CUL3: variants seen among roughly 807,000 people sequenced by gnomAD.
The protein encoded by CUL3 is cullin 3.
In CUL3, 19 loss-of-function variants were observed where a neutral mutation model predicts 89.1. The ratio of observed to expected loss-of-function variants is 0.21; its 90% confidence interval spans 0.15 to 0.31. The LOEUF is 0.31. Among genes scored for constraint, CUL3 ranks in the 10% least tolerant of loss-of-function variants. The probability of loss-of-function intolerance (pLI) is 1.00; values close to 1 mark genes in which losing one functional copy is unlikely to be tolerated. For missense variants in CUL3, 469 were observed against 942.3 expected, an observed-to-expected ratio of 0.50 and a Z score of 6.58; for synonymous variants, 351 against 308.4, an observed-to-expected ratio of 1.14 and a Z score of -1.45.
At chr2:224,494,989 T>G (rs535775505) in intron 13 of CUL3, 1 of 152,146 alleles carries the variant, frequency 6.6e-6, no homozygotes, top group African/African-American at 2.4e-5. Flanking sequence ...CACATATATC[T>G]GACGAAGGAC....
chr2:224,503,513 C>T, intron 9 of CUL3, 139 bp downstream of exon 9: 2 of 754,056 alleles, frequency 2.7e-6, no homozygotes, highest in Non-Finnish European at 4.0e-6. Context: ...AGTCTGTGTT[C>T]TTCTCCAAAA....
intron 13 of CUL3, among the ~76,000 whole-genome samples, chr2:224,488,632 C>T (rs1691833212): frequency 6.6e-6 from 1 of 152,106 alleles, no homozygotes; most frequent in Admixed American, 6.6e-5. Flanking sequence ...AGCCTACCAA[C>T]CCAAAAAAGC....
intron 1 of CUL3, among the ~76,000 whole-genome samples, chr2:224,558,369 CTCT>C (rs1192138542): frequency 1.2e-4 from 19 of 152,194 alleles, no homozygotes; most frequent in Admixed American, 1.2e-3. Flanking sequence ...ACTCACTCTA[CTCT>C]TCTAGATGAT....
At position 224,503,034 on chromosome 2, in the gene CUL3, T is replaced by G. The variant is rs759756869; in HGVS notation, c.1416A>C (p.Gly472=). Residue 472 remains glycine, a synonymous_variant, in exon 10 of 16, where the codon GGA becomes GGC. Coordinates refer to ENST00000264414, the MANE Select transcript of CUL3 (RefSeq NM_003590.5). ...CGCQFTSKLE[G]MFRDMSISNT... ...TTGAGATGCTCATATCCCTAAACAT[T>G]CCTTCCAGTTTTGACGTGAACTGAC... The G allele has an allele frequency of 6.2e-7, 1 of 1,614,016 alleles. No homozygotes were observed. Among genetic ancestry groups the G allele is most frequent in the Non-Finnish European group, 8.5e-7 (1 of 1,179,894 alleles).
chr2:224,567,492 C>T (rs1695071266), intron 1 of CUL3, among the ~76,000 whole-genome samples: 3 of 152,130 alleles, frequency 2.0e-5, no homozygotes, highest in Non-Finnish European at 4.4e-5. Flanking sequence ...GTAATCCCAG[C>T]ACCTTGGGAG....
In CUL3 at chr2:224,575,806, G is replaced by A. The variant is rs533190567; in HGVS notation, c.66+9138C>T. ...ATAAAATGCAAAATGGAAGTTTGAA[G>A]ATTTTTAAACTAGTAGGATGACAAG... On this transcript the variant is annotated intron_variant, in intron 1 of 15. Transcript: ENST00000264414. 1.1e-4 allele frequency among the ~76,000 whole-genome samples: 16 copies of A among 152,282 alleles called. No homozygotes were observed. In the South Asian group the frequency reaches 1.9e-3, roughly 18 times the overall value.
intron 1 of CUL3, among the ~76,000 whole-genome samples, chr2:224,584,273 T>G (rs111794843): frequency 4.3e-5 from 6 of 140,864 alleles, no homozygotes; most frequent in African/African-American, 9.9e-5. Context: ...GTTTGCTCTC[T>G]GTTGCTTCCC....
chr2:224,564,842 A>AT (rs11421877), intron 1 of CUL3, among the ~76,000 whole-genome samples: 43,608 of 152,070 alleles, frequency 0.29, 6,563 homozygotes, highest in Middle Eastern at 0.41. Context: ...ACAACTCACC[A>AT]TCCAAACCTG....
At chr2:224,538,409 A>C (rs2106269367) in intron 2 of CUL3, among the ~76,000 whole-genome samples, 1 of 152,338 alleles carries the variant, frequency 6.6e-6, no homozygotes, top group Non-Finnish European at 1.5e-5. Context: ...ACATTAAGTG[A>C]AAAAAGGATC....
rs999884114 is a variant in CUL3 at position 224,470,903 on chromosome 2, G to T, written c.*3342C>A. 3 of 228,662 alleles carry T rather than the reference G, an allele frequency of 1.3e-5. No individual in the cohort carries two copies. The highest frequency in any genetic ancestry group is 4.4e-5 in the African/African-American group (2 of 45,098). The allele number at this position is 228,662 out of a possible 1,614,324, so 14.2% of individuals were successfully genotyped here. A position where few individuals can be genotyped will look rare whatever the true frequency, so the allele number is the denominator to read the frequency against. On this transcript the variant is annotated 3_prime_UTR_variant, in exon 16 of 16. Transcript: ENST00000264414. ...ATGTCAATTTGTAACATGGAATATG[G>T]ATAGGATTAAACCTAGGTCCAACTC...
At chr2:224,559,910 C>T (rs1319768737) in intron 1 of CUL3, among the ~76,000 whole-genome samples, 1 of 152,014 alleles carries the variant, frequency 6.6e-6, no homozygotes, top group Non-Finnish European at 1.5e-5. Flanking sequence ...GGCAAAAACC[C>T]ATCTCTACTA....
intron 1 of CUL3, among the ~76,000 whole-genome samples, chr2:224,572,294 T>C (rs769414273): frequency 1.1e-4 from 16 of 152,146 alleles, no homozygotes; most frequent in Non-Finnish European, 1.6e-4. Context: ...ACGGTTTGAA[T>C]GCCTGTGTCT....
intron 2 of CUL3, among the ~76,000 whole-genome samples, chr2:224,539,918 T>TG (rs1361187506): frequency 1.3e-5 from 2 of 152,128 alleles, no homozygotes; most frequent in African/African-American, 4.8e-5. Context: ...ACTATGGACT[T>TG]GGAGTGATGA....
At chr2:224,540,918 G>A (rs1694079474) in intron 2 of CUL3, among the ~76,000 whole-genome samples, 1 of 152,018 alleles carries the variant, frequency 6.6e-6, no homozygotes, top group Non-Finnish European at 1.5e-5. Context: ...CTTTTTTAAT[G>A]CCACTGATTA....
chr2:224,568,630 A>G (rs1387859615), intron 1 of CUL3, among the ~76,000 whole-genome samples: 1 of 152,204 alleles, frequency 6.6e-6, no homozygotes, highest in Non-Finnish European at 1.5e-5. Flanking sequence ...TAAATTTTAC[A>G]TCAAGCAATA....
At chr2:224,584,524 AATTT>A (rs1695526562) in intron 1 of CUL3, among the ~76,000 whole-genome samples, 1 of 151,904 alleles carries the variant, frequency 6.6e-6, no homozygotes, top group African/African-American at 2.4e-5. Context: ...AGGCTGGGTA[AATTT>A]TCAAAGTGTA....
intron 6 of CUL3, 111 bp from the exon 7 acceptor site, chr2:224,507,114 G>T: frequency 1.1e-6 from 1 of 875,154 alleles, no homozygotes; most frequent in Non-Finnish European, 1.7e-6. Context: ...ACCCCCATTT[G>T]CTGACCACAT....
At chr2:224,517,174 A>G (rs1693086075) in intron 3 of CUL3, among the ~76,000 whole-genome samples, 1 of 152,254 alleles carries the variant, frequency 6.6e-6, no homozygotes, top group South Asian at 2.1e-4. Context: ...TATATTGTAC[A>G]GAAAAGCACC....
chr2:224,561,815 G>T (rs181446307), intron 1 of CUL3, among the ~76,000 whole-genome samples: 1 of 152,176 alleles, frequency 6.6e-6, no homozygotes, highest in Non-Finnish European at 1.5e-5. Flanking sequence ...AGCTACGTAC[G>T]TGCAATGTGG....
Sources: gnomAD v4.1 joint callset for allele counts (sites outside exome capture counted in the v4.1 genomes callset) on GRCh38, gnomAD v4.1.1 for gene constraint, MANE v1.5 for transcripts, NCBI Gene and HGNC (gene_info 2026-07-23, HGNC 2026-07-21) for gene names.